CEP112: variants seen among roughly 807,000 people sequenced by gnomAD.
CEP112 encodes the protein centrosomal protein of 112 kDa.
In CEP112, 127 loss-of-function variants were observed where a neutral mutation model predicts 153.0. The ratio of observed to expected loss-of-function variants is 0.83; its 90% CI spans 0.72 to 0.96. CEP112 has a LOEUF of 0.96. Among genes scored for constraint, CEP112 ranks in the 40% least tolerant of loss-of-function variants. The probability of loss-of-function intolerance (pLI) is 0.00; values close to 1 mark genes in which losing one functional copy is unlikely to be tolerated. For synonymous variants in CEP112, 358 were observed against 374.4 expected, an observed-to-expected ratio of 0.96 and a Z score of 0.51; for missense variants, 1,089 against 1,101.2, an observed-to-expected ratio of 0.99 and a Z score of 0.16.
At position 66,110,412 on chromosome 17, in the gene CEP112, C is replaced by G. The variant is rs561969398; in HGVS notation, c.643-13780G>C. Among the ~76,000 whole-genome samples the G allele has an allele frequency of 5.3e-5, 8 of 150,280 alleles. No individual in the cohort carries two copies. In the South Asian group the frequency reaches 1.7e-3, roughly 32 times the overall value. ...AATGTAGACAAACCAATTGAACCAA[C>G]TGGAAATTGGCAGAAAGAAACTCAA... On this transcript the variant is annotated intron_variant, in intron 6 of 26. Coordinates refer to ENST00000535342, the MANE Select transcript of CEP112 (RefSeq NM_001199165.4).
At chr17:65,917,868 C>T (rs997066314) in intron 19 of CEP112, among the ~76,000 whole-genome samples, 2 of 151,920 alleles carry the variant, frequency 1.3e-5, no homozygotes, top group African/African-American at 4.8e-5. Flanking sequence ...CCAGTGTAGA[C>T]TAAATAGTCT....
In CEP112 at chr17:66,132,729, A is replaced by T; in HGVS notation, c.505T>A (p.Ser169Thr). ...CTGTGAGTTGGACTCAAGGAGTGTG[A>T]TCTCACTCGGAGCTTCCCAGTGTAC... ...EQYTGKLRVR[S>T]HSLSPTHRED... Residue 169 changes from serine (S) to threonine (T), a missense_variant, in exon 5 of 27, where the codon TCA becomes ACA. Ser to Thr is a moderately conservative substitution (Grantham distance 58). Transcript: ENST00000535342. The T allele has an allele frequency of 6.2e-7, 1 of 1,614,016 alleles. No homozygotes were observed. The highest frequency in any genetic ancestry group is 8.5e-7 in the Non-Finnish European group (1 of 1,179,866).
intron 21 of CEP112, among the ~76,000 whole-genome samples, chr17:65,784,267 T>C (rs936321478): frequency 6.6e-6 from 1 of 152,222 alleles, no homozygotes; most frequent in Non-Finnish European, 1.5e-5. Context: ...GGAAACAAGA[T>C]ATAACAGAAG....
At chr17:65,826,360 G>C (rs986009419) in intron 21 of CEP112, 29 of 1,596,126 alleles carry the variant, frequency 1.8e-5, no homozygotes, top group Non-Finnish European at 2.5e-5. Context: ...GCAGGCTGTA[G>C]GGCAGGCAGA....
rs758630251 is a variant in CEP112 at position 66,063,101 on chromosome 17, C to T, written c.956-20G>A. 1.6e-6 allele frequency: 2 copies of T among 1,265,514 alleles called. No homozygotes were observed. Among genetic ancestry groups the T allele is most frequent in the South Asian group, 1.5e-5 (1 of 65,380 alleles). 78.4% of individuals were successfully genotyped at this position (1,265,514 alleles called of 1,614,324 possible). On this transcript the variant is annotated intron_variant, in intron 10 of 26. Transcript: ENST00000535342. ...TCTGAACTGTCAAAAATTTTGAAAA[C>T]ATAGTTAAACCAATTCTAGGTACAT...
chr17:66,133,052 A>G (rs1243814469), intron 4 of CEP112, among the ~76,000 whole-genome samples: 2 of 152,094 alleles, frequency 1.3e-5, no homozygotes, highest in Non-Finnish European at 2.9e-5. Flanking sequence ...AACAACAACA[A>G]CAACAAAAAA....
At chr17:65,937,223 C>T (rs1397332283) in intron 18 of CEP112, among the ~76,000 whole-genome samples, 2,059 of 121,730 alleles carry the variant, frequency 0.017, 43 homozygotes, top group African/African-American at 0.033. Context: ...ATTGCAGCCT[C>T]TGCCCGGCCG....
At chr17:65,723,192 G>A (rs2049991933) in intron 23 of CEP112, among the ~76,000 whole-genome samples, 1 of 152,140 alleles carries the variant, frequency 6.6e-6, no homozygotes, top group African/African-American at 2.4e-5. Flanking sequence ...AGGTAGACAT[G>A]AACTTACAAT....
chr17:65,963,576 C>T (rs945333626), intron 17 of CEP112, among the ~76,000 whole-genome samples: 1 of 145,746 alleles, frequency 6.9e-6, no homozygotes, highest in East Asian at 2.2e-4. Flanking sequence ...AAAAGTGTCA[C>T]CTAATTTCTA....
intron 20 of CEP112, among the ~76,000 whole-genome samples, chr17:65,889,383 A>G (rs1485057926): frequency 1.3e-5 from 2 of 152,146 alleles, no homozygotes; most frequent in African/African-American, 2.4e-5. Context: ...AAATAAACTA[A>G]TATTGACAGG....
intron 20 of CEP112, among the ~76,000 whole-genome samples, chr17:65,878,506 A>C (rs1261014382): frequency 6.6e-6 from 1 of 152,174 alleles, no homozygotes; most frequent in Non-Finnish European, 1.5e-5. Flanking sequence ...AAGACAAAAA[A>C]TGGGACAGGC....
At chr17:65,727,281 T>C (rs2050235671) in intron 23 of CEP112, among the ~76,000 whole-genome samples, 1 of 152,144 alleles carries the variant, frequency 6.6e-6, no homozygotes, top group Admixed American at 6.5e-5. Context: ...TTGCTGGACA[T>C]TGATGTTCTA....
chr17:65,987,692 GA>G (rs1182303215), intron 17 of CEP112, among the ~76,000 whole-genome samples: 7 of 152,130 alleles, frequency 4.6e-5, no homozygotes, highest in Non-Finnish European at 2.9e-5. Flanking sequence ...ACTCAAATAT[GA>G]GAATGAGGCA....
At chr17:66,119,153 T>C (rs2069449987) in intron 6 of CEP112, among the ~76,000 whole-genome samples, 1 of 151,934 alleles carries the variant, frequency 6.6e-6, no homozygotes, top group Non-Finnish European at 1.5e-5. Context: ...TGAGAACACA[T>C]GGACACAGGG....
intron 6 of CEP112, among the ~76,000 whole-genome samples, chr17:66,118,649 G>A (rs535220390): frequency 1.3e-5 from 2 of 152,192 alleles, no homozygotes; most frequent in South Asian, 4.2e-4. Context: ...CTAGTGTTCA[G>A]TAGCATGGTA....
chr17:66,115,300 C>T (rs921511012), intron 6 of CEP112, among the ~76,000 whole-genome samples: 1 of 152,186 alleles, frequency 6.6e-6, no homozygotes, highest in African/African-American at 2.4e-5. Context: ...TTGGCACAGC[C>T]ACTTTGGAAA....
chr17:66,111,672 A>T (rs1307786275), intron 6 of CEP112, among the ~76,000 whole-genome samples: 1 of 151,872 alleles, frequency 6.6e-6, no homozygotes, highest in African/African-American at 2.4e-5. Context: ...ACATAAGAAC[A>T]CTGAGAAAGA....
intron 21 of CEP112, among the ~76,000 whole-genome samples, chr17:65,804,649 T>C (rs1014323053): frequency 1.3e-5 from 2 of 152,106 alleles, no homozygotes; most frequent in African/African-American, 2.4e-5. Context: ...AAATGCATTA[T>C]ATAGAGGGTA....
intron 23 of CEP112, among the ~76,000 whole-genome samples, chr17:65,711,671 T>C (rs1470464812): frequency 1.3e-5 from 2 of 152,240 alleles, no homozygotes; most frequent in Non-Finnish European, 2.9e-5. Flanking sequence ...ATCAAATGCC[T>C]GAGTCAAAGC....
Sources: allele counts gnomAD v4.1 joint callset (sites outside exome capture counted in the v4.1 genomes callset), GRCh38; gene constraint gnomAD v4.1.1; transcripts MANE v1.5; gene names NCBI Gene and HGNC (gene_info 2026-07-23, HGNC 2026-07-21).